The following TMTC2 variants were observed in gnomAD, a reference collection of about 807,000 sequenced individuals.
The protein encoded by TMTC2 is protein O-mannosyl-transferase TMTC2.
Under a neutral mutation model 82.4 loss-of-function variants are expected in TMTC2, and 43 were observed. The observed-to-expected ratio is 0.52, with a 90% CI of 0.41 to 0.67. The LOEUF (loss-of-function observed/expected upper bound fraction) is 0.67, where lower values mean the gene tolerates loss of function less well. TMTC2 is among the 30% of genes least tolerant of loss of function. The pLI is 0.00. For missense variants in TMTC2, 919 were observed against 1,012.4 expected, an observed-to-expected ratio of 0.91 and a Z score of 1.25; for synonymous variants, 408 against 381.9, an observed-to-expected ratio of 1.07 and a Z score of -0.80.
chr12:82,825,746 A>T (rs1869384312), intron 1 of TMTC2, among the ~76,000 whole-genome samples: 1 of 152,206 alleles, frequency 6.6e-6, no homozygotes, highest in Admixed American at 6.5e-5. Context: ...ACTTTAAGAA[A>T]CAAATTTTCC....
chr12:82,882,209 C>T (rs1872865487), intron 2 of TMTC2, among the ~76,000 whole-genome samples: 1 of 151,408 alleles, frequency 6.6e-6, no homozygotes, highest in African/African-American at 2.4e-5. Flanking sequence ...CCGTTTTAGC[C>T]GGGATGGTCT....
chr12:82,930,306 A>G (rs1158474700), intron 3 of TMTC2, 125 bp from the exon 4 acceptor site: 12 of 555,348 alleles, frequency 2.2e-5, no homozygotes, highest in Non-Finnish European at 3.2e-5. Context: ...AAGGAAATAC[A>G]TTTTCCTTCT....
chr12:83,004,176 C>T (rs536629772), intron 8 of TMTC2, among the ~76,000 whole-genome samples: 7 of 152,204 alleles, frequency 4.6e-5, no homozygotes, highest in Non-Finnish European at 7.4e-5. Context: ...TGCCTCCAAC[C>T]GTATTATGAC....
intron 4 of TMTC2, among the ~76,000 whole-genome samples, chr12:82,940,205 T>C (rs1876635763): frequency 6.6e-6 from 1 of 151,784 alleles, no homozygotes; most frequent in African/African-American, 2.4e-5. Context: ...TTAGTAGAGA[T>C]GGAGTTTCTC....
intron 1 of TMTC2, among the ~76,000 whole-genome samples, chr12:82,699,570 T>C (rs965294194): frequency 7.9e-5 from 12 of 152,168 alleles, no homozygotes; most frequent in African/African-American, 2.7e-4. Context: ...GGAAAGCTGT[T>C]TGTCAGATGA....
intron 4 of TMTC2, among the ~76,000 whole-genome samples, chr12:82,933,858 G>T (rs1876173052): frequency 6.6e-6 from 1 of 152,062 alleles, no homozygotes; most frequent in African/African-American, 2.4e-5. Context: ...GAGTGATGTA[G>T]ATTTATATCT....
intron 7 of TMTC2, among the ~76,000 whole-genome samples, chr12:82,975,366 C>A (rs1218348997): frequency 1.3e-5 from 2 of 152,168 alleles, no homozygotes; most frequent in African/African-American, 4.8e-5. Context: ...TTTATCTACA[C>A]TGATAGAAGC....
chr12:83,082,107 A>G (rs1034253975), intron 11 of TMTC2, among the ~76,000 whole-genome samples: 1 of 152,240 alleles, frequency 6.6e-6, no homozygotes, highest in African/African-American at 2.4e-5. Context: ...GTTCGATTGT[A>G]GTATTTCTTT....
At chr12:83,064,874 T>A (rs1882863724) in intron 11 of TMTC2, among the ~76,000 whole-genome samples, 2 of 151,984 alleles carry the variant, frequency 1.3e-5, no homozygotes, top group Admixed American at 6.6e-5. Context: ...TTTCTCTGCT[T>A]TTAACTTAAT....
intron 1 of TMTC2, among the ~76,000 whole-genome samples, chr12:82,764,198 C>T (rs1405404968): frequency 6.6e-6 from 1 of 152,154 alleles, no homozygotes; most frequent in Non-Finnish European, 1.5e-5. Context: ...AGTGCAGTGG[C>T]ACAATCTCGG....
chr12:82,701,290 G>A (rs1026249488), intron 1 of TMTC2, among the ~76,000 whole-genome samples: 5 of 152,248 alleles, frequency 3.3e-5, no homozygotes, highest in Admixed American at 2.0e-4. Flanking sequence ...TTGATAGCCC[G>A]AATCTCAGGA....
chr12:83,011,842 A>G (rs1046432890), intron 8 of TMTC2, among the ~76,000 whole-genome samples: 1 of 152,246 alleles, frequency 6.6e-6, no homozygotes, highest in Non-Finnish European at 1.5e-5. Context: ...ATTGTAACAC[A>G]TTAATAAATA....
At chr12:83,001,624 A>C (rs1252413019) in intron 8 of TMTC2, among the ~76,000 whole-genome samples, 1 of 149,108 alleles carries the variant, frequency 6.7e-6, no homozygotes. Flanking sequence ...AAAAAGAACA[A>C]AACTCTGTCT....
At chr12:83,106,500 C>CA (rs769681273) in intron 11 of TMTC2, among the ~76,000 whole-genome samples, 2,972 of 58,342 alleles carry the variant, frequency 0.051, 113 homozygotes, top group African/African-American at 0.15. Context: ...ACTCTGTCTC[C>CA]AAAAAAAAAA....
chr12:83,030,253 T>C (rs1326200641), intron 8 of TMTC2, among the ~76,000 whole-genome samples: 4 of 152,188 alleles, frequency 2.6e-5, no homozygotes, highest in Non-Finnish European at 5.9e-5. Context: ...CTTGGATTGT[T>C]TTAAGTATTT....
chr12:82,865,627 C>T (rs1871806931), intron 2 of TMTC2, among the ~76,000 whole-genome samples: 1 of 152,222 alleles, frequency 6.6e-6, no homozygotes, highest in East Asian at 1.9e-4. Flanking sequence ...ACAAGGTTAT[C>T]CAGGAATTGA....
chr12:82,936,237 G>A (rs1039436798), intron 4 of TMTC2, among the ~76,000 whole-genome samples: 3 of 151,952 alleles, frequency 2.0e-5, no homozygotes, highest in Non-Finnish European at 4.4e-5. Context: ...GAATTATCTC[G>A]ACAAGGAACT....
At chr12:82,720,714 C>G (rs753336884) in intron 1 of TMTC2, among the ~76,000 whole-genome samples, 3 of 152,200 alleles carry the variant, frequency 2.0e-5, no homozygotes, top group Non-Finnish European at 4.4e-5. Context: ...GTTGATGTCA[C>G]CAGCGCTTGT....
intron 1 of TMTC2, among the ~76,000 whole-genome samples, chr12:82,769,598 T>A (rs1186940149): frequency 6.6e-6 from 1 of 152,098 alleles, no homozygotes; most frequent in Non-Finnish European, 1.5e-5. Context: ...AAGTCAGAAG[T>A]GATGTTAAAG....
Sources: allele counts gnomAD v4.1 joint callset (sites outside exome capture counted in the v4.1 genomes callset), GRCh38; gene constraint gnomAD v4.1.1; transcripts MANE v1.5; gene names NCBI Gene and HGNC (gene_info 2026-07-23, HGNC 2026-07-21).